FSTL5: variants seen among roughly 807,000 people sequenced by gnomAD.
The protein encoded by FSTL5 is follistatin-related protein 5.
In FSTL5, 62 loss-of-function variants were observed where a neutral mutation model predicts 89.1. The observed-to-expected ratio is 0.70, with a 90% CI of 0.57 to 0.86. The LOEUF is 0.86. FSTL5 is among the 40% of genes least tolerant of loss of function. The pLI is 0.00. For synonymous variants in FSTL5, 383 were observed against 346.2 expected (o/e 1.11, Z -1.18); for missense variants, 1,057 against 1,001.6 (o/e 1.06, Z -0.75).
intron 15 of FSTL5, among the ~76,000 whole-genome samples, chr4:161,406,845 G>T (rs1560879289): frequency 6.6e-6 from 1 of 152,036 alleles, no homozygotes; most frequent in Admixed American, 6.6e-5. Context: ...CTTATACATA[G>T]AATAGGGTGG....
At chr4:161,440,373 A>AC (rs1416265744) in intron 15 of FSTL5, among the ~76,000 whole-genome samples, 4 of 152,078 alleles carry the variant, frequency 2.6e-5, no homozygotes, top group Non-Finnish European at 5.9e-5. Context: ...GTCCTGGGGC[A>AC]CACATAAAAT....
At chr4:161,959,371 T>C (rs576523898) in intron 3 of FSTL5, among the ~76,000 whole-genome samples, 1 of 152,222 alleles carries the variant, frequency 6.6e-6, no homozygotes, top group African/African-American at 2.4e-5. Flanking sequence ...TTTTATTTTA[T>C]AGTACCAAAA....
At chr4:161,584,637 T>C (rs983100462) in intron 8 of FSTL5, among the ~76,000 whole-genome samples, 2 of 152,202 alleles carry the variant, frequency 1.3e-5, no homozygotes, top group African/African-American at 4.8e-5. Flanking sequence ...TTTTTCACTT[T>C]CCTTTCTCTC....
At chr4:162,077,672 G>A (rs1729923283) in intron 2 of FSTL5, among the ~76,000 whole-genome samples, 2 of 151,700 alleles carry the variant, frequency 1.3e-5, no homozygotes, top group Non-Finnish European at 2.9e-5. Context: ...AATAACTAGA[G>A]AGGAAGAAAA....
chr4:161,896,010 T>C (rs771819813), intron 4 of FSTL5, among the ~76,000 whole-genome samples: 1 of 152,194 alleles, frequency 6.6e-6, no homozygotes, highest in Non-Finnish European at 1.5e-5. Context: ...AGTTTCCTCT[T>C]CCACCAATGT....
At chr4:161,951,431 AT>A (rs891806333) in intron 3 of FSTL5, among the ~76,000 whole-genome samples, 3 of 152,100 alleles carry the variant, frequency 2.0e-5, no homozygotes, top group African/African-American at 7.2e-5. Flanking sequence ...TCTCTTTGAG[AT>A]TTTAGTTCAT....
At chr4:161,766,935 G>A (rs946512759) in intron 5 of FSTL5, among the ~76,000 whole-genome samples, 1 of 151,942 alleles carries the variant, frequency 6.6e-6, no homozygotes, top group African/African-American at 2.4e-5. Context: ...TAGATAGATA[G>A]ATAGATAGAT....
Position 161,955,211 on chromosome 4 carries a change from C to T in FSTL5, c.161-34559G>A, listed in dbSNP as rs560686944. Among the ~76,000 whole-genome samples the T allele has an allele frequency of 4.0e-5, 6 of 151,624 alleles. No homozygotes were observed. The East Asian group carries it at 1.2e-3, about 29-fold the overall frequency. On this transcript the variant is annotated intron_variant, in intron 3 of 15. Coordinates refer to ENST00000306100, the MANE Select transcript of FSTL5 (RefSeq NM_020116.5). ...AGAGTAACTGAGGGAAAAACAATGTCCCCTACAGATAATGGACATCCTTCT... is the reference window on the plus strand; with the variant it reads ...AGAGTAACTGAGGGAAAAACAATGTTCCCTACAGATAATGGACATCCTTCT...
intron 3 of FSTL5, among the ~76,000 whole-genome samples, chr4:161,957,174 G>T (rs1366212805): frequency 6.6e-6 from 1 of 151,712 alleles, no homozygotes; most frequent in Admixed American, 6.6e-5. Context: ...TACATGGTTG[G>T]GATTTAATGG....
chr4:161,849,998 A>G (rs1189505299), intron 4 of FSTL5, among the ~76,000 whole-genome samples: 1 of 152,222 alleles, frequency 6.6e-6, no homozygotes, highest in African/African-American at 2.4e-5. Context: ...TTCCATTAAA[A>G]TGGAATTGCT....
chr4:161,848,627 C>A (rs977843803), intron 4 of FSTL5, among the ~76,000 whole-genome samples: 2 of 151,242 alleles, frequency 1.3e-5, no homozygotes, highest in Admixed American at 6.6e-5. Context: ...TTTTGCAATG[C>A]GAATAATTAG....
intron 4 of FSTL5, among the ~76,000 whole-genome samples, chr4:161,887,131 A>G (rs1014589055): frequency 6.6e-6 from 1 of 152,166 alleles, no homozygotes; most frequent in Non-Finnish European, 1.5e-5. Flanking sequence ...GACCAATAGT[A>G]TTTTAAACTA....
chr4:161,459,786 A>G (rs1733496367), intron 13 of FSTL5, among the ~76,000 whole-genome samples: 1 of 152,074 alleles, frequency 6.6e-6, no homozygotes. Context: ...ACTATCTGTA[A>G]TGTTAAAATG....
At chr4:161,766,913 TAGA>T (rs1397211703) in intron 5 of FSTL5, among the ~76,000 whole-genome samples, 4 of 13,978 alleles carry the variant, frequency 2.9e-4, no homozygotes, top group Non-Finnish European at 4.0e-4. Flanking sequence ...GATCGATTGA[TAGA>T]TAGATAGATA....
intron 3 of FSTL5, among the ~76,000 whole-genome samples, chr4:162,030,287 A>G (rs1272381095): frequency 6.6e-6 from 1 of 152,104 alleles, no homozygotes; most frequent in Non-Finnish European, 1.5e-5. Flanking sequence ...CTTATTTAAT[A>G]ATATGTATTT....
In FSTL5 at chr4:161,746,334, C is replaced by T. The variant is rs181229282; in HGVS notation, c.727+13077G>A. Among the ~76,000 whole-genome samples, 3 of 152,174 alleles carry T rather than the reference C, an allele frequency of 2.0e-5. No homozygotes were observed. The East Asian group carries it at 5.8e-4, about 29-fold the overall frequency. Reference sequence around the variant, plus strand: ...CACCAATTTTGTTGGATCTTTTCCCCTAATATTCCTTAAATCCATAACTTC... The same window carrying T: ...CACCAATTTTGTTGGATCTTTTCCCTTAATATTCCTTAAATCCATAACTTC... On this transcript the variant is annotated intron_variant, in intron 6 of 15. Transcript: ENST00000306100.
At chr4:161,803,444 C>A (rs1173204408) in intron 4 of FSTL5, among the ~76,000 whole-genome samples, 1 of 151,864 alleles carries the variant, frequency 6.6e-6, no homozygotes, top group Non-Finnish European at 1.5e-5. Context: ...ATAAGTATCA[C>A]TTTTACTACA....
At chr4:161,608,698 T>C (rs1431394285) in intron 7 of FSTL5, among the ~76,000 whole-genome samples, 2 of 152,054 alleles carry the variant, frequency 1.3e-5, no homozygotes, top group South Asian at 4.1e-4. Context: ...CTATAAAATA[T>C]TTTACACCTC....
intron 2 of FSTL5, among the ~76,000 whole-genome samples, chr4:162,056,039 T>C (rs1017373148): frequency 6.6e-6 from 1 of 151,762 alleles, no homozygotes; most frequent in African/African-American, 2.4e-5. Context: ...AAGAAATAAT[T>C]TAGTAAACAA....
Sources: allele counts gnomAD v4.1 joint callset (sites outside exome capture counted in the v4.1 genomes callset), GRCh38; gene constraint gnomAD v4.1.1; transcripts MANE v1.5; gene names NCBI Gene and HGNC (gene_info 2026-07-23, HGNC 2026-07-21).